The following CMIP variants were observed in gnomAD, a reference collection of about 807,000 sequenced individuals.
CMIP encodes C-Maf-inducing protein.
Under a neutral mutation model 97.3 loss-of-function variants are expected in CMIP, and 13 were observed. The ratio of observed to expected loss-of-function variants is 0.13; its 90% confidence interval spans 0.09 to 0.21. CMIP has a LOEUF of 0.21. Ranked by LOEUF, CMIP falls within the 10% of genes least tolerant of loss-of-function variation. The probability of loss-of-function intolerance (pLI) is 1.00; values close to 1 mark genes in which losing one functional copy is unlikely to be tolerated. For synonymous variants in CMIP, 538 were observed against 436.3 expected (o/e 1.23, Z -2.91); for missense variants, 847 against 1,024.9 (o/e 0.83, Z 2.37).
At chr16:81,630,464 C>T (rs2092140518) in intron 3 of CMIP, 1 of 152,324 alleles carries the variant, frequency 6.6e-6, no homozygotes, top group African/African-American at 2.4e-5. Flanking sequence ...GTGACAGTGT[C>T]CCCCGTCCTG....
At chr16:81,679,803 T>C (rs1270444268) in intron 10 of CMIP, among the ~76,000 whole-genome samples, 1 of 152,068 alleles carries the variant, frequency 6.6e-6, no homozygotes, top group Non-Finnish European at 1.5e-5. Context: ...ATCCACACGC[T>C]CCACCTGACA....
chr16:81,496,747 C>G (rs750622584), intron 1 of CMIP, among the ~76,000 whole-genome samples: 1 of 152,246 alleles, frequency 6.6e-6, no homozygotes, highest in Non-Finnish European at 1.5e-5. Flanking sequence ...ACCCTGGACC[C>G]CTGGGAACAC....
intron 1 of CMIP, among the ~76,000 whole-genome samples, chr16:81,508,085 C>T (rs1167694826): frequency 6.6e-6 from 1 of 152,308 alleles, no homozygotes; most frequent in South Asian, 2.1e-4. Context: ...GCATTCCTCC[C>T]CCAACCTTGT....
At position 81,664,283 on chromosome 16, in the gene CMIP, G is replaced by T; in HGVS notation, c.759G>T (p.Arg253=). The T allele has an allele frequency of 6.2e-7, 1 of 1,601,790 alleles. No homozygotes were observed. ...CEFFCKHCRE[R]PRSMVVIEVF... ...TCTGTCCCCAGCACTGCAGAGAGCG[G>T]CCCCGGTCCATGGTGGTCATCGAGG... The change falls in exon 7 of 21, where the codon CGG becomes CGT. Residue 253 remains arginine (R), a synonymous_variant. Transcript: ENST00000537098.
chr16:81,654,180 A>T (rs949747574), intron 4 of CMIP, among the ~76,000 whole-genome samples: 2 of 152,020 alleles, frequency 1.3e-5, no homozygotes, highest in African/African-American at 4.8e-5. Context: ...CCCCTCTCAG[A>T]TGTGCTTCAG....
chr16:81,683,158 T>G (rs1232492522), intron 10 of CMIP, among the ~76,000 whole-genome samples: 2 of 152,364 alleles, frequency 1.3e-5, no homozygotes, highest in African/African-American at 4.8e-5. Flanking sequence ...ACCTGAGTAT[T>G]GCCAAGTGCT....
chr16:81,647,887 G>T (rs148725941), intron 3 of CMIP, among the ~76,000 whole-genome samples: 1 of 149,444 alleles, frequency 6.7e-6, no homozygotes, highest in African/African-American at 2.5e-5. Context: ...CCTGCAGCCC[G>T]CACCCACAAC....
chr16:81,591,670 C>T (rs2091468756), intron 1 of CMIP, among the ~76,000 whole-genome samples: 1 of 152,020 alleles, frequency 6.6e-6, no homozygotes, highest in Non-Finnish European at 1.5e-5. Context: ...ACCTTCTGGG[C>T]TGGGAAGGGG....
intron 1 of CMIP, among the ~76,000 whole-genome samples, chr16:81,470,873 A>G (rs1200431291): frequency 6.6e-6 from 1 of 152,246 alleles, no homozygotes; most frequent in Non-Finnish European, 1.5e-5. Context: ...GAAACTCCTG[A>G]GATCAGTACA....
At chr16:81,450,190 T>C (rs1218718455) in intron 1 of CMIP, among the ~76,000 whole-genome samples, 1 of 152,188 alleles carries the variant, frequency 6.6e-6, no homozygotes, top group Non-Finnish European at 1.5e-5. Flanking sequence ...CAGGACTGAC[T>C]CGTCTTGAAG....
chr16:81,462,269 T>C (rs1011458830), intron 1 of CMIP, among the ~76,000 whole-genome samples: 1 of 152,228 alleles, frequency 6.6e-6, no homozygotes, highest in African/African-American at 2.4e-5. Context: ...GATTTGGGAA[T>C]GACATACTCC....
intron 1 of CMIP, among the ~76,000 whole-genome samples, chr16:81,588,080 A>G (rs2091411323): frequency 2.0e-5 from 3 of 152,246 alleles, no homozygotes; most frequent in Non-Finnish European, 2.9e-5. Context: ...TGCCTCCAAG[A>G]GGACCGAGGC....
At chr16:81,547,158 C>T (rs2090563044) in intron 1 of CMIP, among the ~76,000 whole-genome samples, 1 of 152,254 alleles carries the variant, frequency 6.6e-6, no homozygotes, top group East Asian at 1.9e-4. Context: ...TGAGGAGGAT[C>T]TGGGGCAGAG....
chr16:81,457,847 C>G (rs1048129356), intron 1 of CMIP, among the ~76,000 whole-genome samples: 6 of 152,108 alleles, frequency 3.9e-5, no homozygotes, highest in African/African-American at 1.4e-4. Context: ...GGTGTGGGGC[C>G]AAGAGCCGGT....
At chr16:81,463,198 G>C (rs568207356) in intron 1 of CMIP, among the ~76,000 whole-genome samples, 1 of 152,276 alleles carries the variant, frequency 6.6e-6, no homozygotes, top group East Asian at 1.9e-4. Flanking sequence ...TTCCTTGGTT[G>C]TTAACATTTT....
intron 1 of CMIP, among the ~76,000 whole-genome samples, chr16:81,589,672 A>G (rs191131111): frequency 9.3e-4 from 141 of 152,326 alleles, no homozygotes; most frequent in African/African-American, 3.2e-3. Context: ...ATAGATGCAT[A>G]ACCATCGATT....
chr16:81,670,322 G>A (rs950477857), intron 8 of CMIP, 77 bp downstream of exon 8: 21 of 1,446,556 alleles, frequency 1.5e-5, no homozygotes, highest in East Asian at 9.9e-5. Flanking sequence ...AGATATCCAC[G>A]GGGGGCTGTC....
At position 81,453,127 on chromosome 16, in the gene CMIP, T is replaced by C. The variant is rs1199397285; in HGVS notation, c.300+7586T>C. On this transcript the variant is annotated intron_variant, in intron 1 of 20. Transcript: ENST00000537098. This position sits in a 1 kb window ranked among gnomAD's most constrained non-coding sequence, Gnocchi z 4.0. ...GGGGAAGTGTGTCGGCAAAGACCCT[T>C]GCAGCTGGCTCAGCAGCCCACCTGG... 3.9e-5 allele frequency among the ~76,000 whole-genome samples: 6 copies of C among 152,184 alleles called. No homozygotes were observed. The highest frequency in any genetic ancestry group is 7.4e-5 in the Non-Finnish European group (5 of 68,024).
chr16:81,538,742 G>C (rs990770612), intron 1 of CMIP, among the ~76,000 whole-genome samples: 9 of 152,120 alleles, frequency 5.9e-5, no homozygotes, highest in Non-Finnish European at 8.8e-5. Context: ...AATAGAAAAA[G>C]GCATTAAGTT....
Sources: allele counts gnomAD v4.1 joint callset (sites outside exome capture counted in the v4.1 genomes callset), GRCh38; gene constraint gnomAD v4.1.1; non-coding constraint Gnocchi (gnomAD v3.1); transcripts MANE v1.5; gene names NCBI Gene and HGNC (gene_info 2026-07-23, HGNC 2026-07-21).